Variants in LMBR1 observed in about 807,000 individuals in gnomAD.
LMBR1 encodes limb region 1 protein homolog.
Under a neutral mutation model 73.9 loss-of-function variants are expected in LMBR1, and 52 were observed. That is an observed-to-expected ratio of 0.70 (90% CI 0.56 to 0.89). The LOEUF is 0.89. LMBR1 is among the 40% of genes least tolerant of loss of function. LMBR1 has a pLI of 0.00. For missense variants in LMBR1, 539 were observed against 579.8 expected, an observed-to-expected ratio of 0.93 and a Z score of 0.72; for synonymous variants, 215 against 209.4, an observed-to-expected ratio of 1.03 and a Z score of -0.23.
At chr7:156,689,452 G>C (rs1806698827) in intron 15 of LMBR1, among the ~76,000 whole-genome samples, 1 of 152,146 alleles carries the variant, frequency 6.6e-6, no homozygotes, top group Non-Finnish European at 1.5e-5. Context: ...CCTTTGAGCT[G>C]AACTCTAATC....
intron 1 of LMBR1, among the ~76,000 whole-genome samples, chr7:156,889,415 G>A (rs1228837241): frequency 6.6e-6 from 1 of 152,174 alleles, no homozygotes; most frequent in African/African-American, 2.4e-5. Context: ...ATAGCATTAT[G>A]TAGCAAAATC....
In LMBR1 at chr7:156,734,249, A is replaced by G. The variant is rs1308184273; in HGVS notation, c.766T>C (p.Ser256Pro). Reference sequence around the variant, plus strand: ...TCCATTATGTTGTATTCCACCGATGAAGACAGCCCTGTTCAAAGCAAAAAA... The same window carrying G: ...TCCATTATGTTGTATTCCACCGATGGAGACAGCCCTGTTCAAAGCAAAAAA... Reference protein sequence around the residue: ...ALQRRLNGLSSSVEYNIMELE... With the variant: ...ALQRRLNGLSPSVEYNIMELE... Residue 256 changes from serine to proline, a missense_variant, in exon 10 of 17, where the codon TCA becomes CCA. By Grantham distance (74) the Ser-to-Pro change is moderately conservative (BLOSUM62 -1). Around this residue, in one of 3 missense-constraint regions of LMBR1, gnomAD observed 454 missense variants for 473.4 expected, o/e 0.96. Coordinates refer to ENST00000353442, the MANE Select transcript of LMBR1 (RefSeq NM_022458.4). The G allele has an allele frequency of 6.2e-7, 1 of 1,607,566 alleles. No homozygotes were observed. Among genetic ancestry groups the G allele is most frequent in the Non-Finnish European group, 8.5e-7 (1 of 1,177,670 alleles).
intron 1 of LMBR1, 21 bp from the exon 2 acceptor site, chr7:156,836,906 C>G: frequency 6.8e-7 from 1 of 1,481,172 alleles, no homozygotes; most frequent in Non-Finnish European, 9.2e-7. Context: ...ACGAAGTTAA[C>G]AGATCATTTA....
chr7:156,892,435 G>A (rs1047447185), intron 1 of LMBR1: 3 of 152,226 alleles, frequency 2.0e-5, no homozygotes, highest in Non-Finnish European at 4.4e-5. Flanking sequence ...GGCCCACCCA[G>A]GCTCTCCGGG....
chr7:156,706,049 A>G (rs1181950607), intron 15 of LMBR1, among the ~76,000 whole-genome samples: 4 of 152,142 alleles, frequency 2.6e-5, no homozygotes, highest in Admixed American at 2.0e-4. Context: ...CACCTTACCT[A>G]TGAAGACACA....
chr7:156,793,983 C>T (rs1258000558), intron 5 of LMBR1, among the ~76,000 whole-genome samples: 5 of 152,184 alleles, frequency 3.3e-5, no homozygotes, highest in African/African-American at 9.7e-5. Flanking sequence ...TCTTTCCCTA[C>T]CTTCAAGCTA....
Position 156,678,773 on chromosome 7 carries a change from A to G in LMBR1, c.*5305T>C, listed in dbSNP as rs189974607. ...GTTGGAACCCACTTGTCTGACAGTC[A>G]CCTTGCAAGATGAAGCCACTTCTTG... On this transcript the variant is annotated 3_prime_UTR_variant, in exon 17 of 17. Transcript: ENST00000353442. 2.6e-5 allele frequency: 4 copies of G among 152,162 alleles called. No homozygotes were observed. The highest frequency in any genetic ancestry group is 2.6e-4 in the Admixed American group (4 of 15,282). 9.4% of individuals were successfully genotyped at this position (152,162 alleles called of 1,614,324 possible). A position where few individuals can be genotyped will look rare whatever the true frequency, so the allele number is the denominator to read the frequency against.
In LMBR1 at chr7:156,756,363, T is replaced by G. The variant is rs376140960; in HGVS notation, c.757+30A>C. On this transcript the variant is annotated intron_variant, in intron 9 of 16. Coordinates refer to ENST00000353442, the MANE Select transcript of LMBR1 (RefSeq NM_022458.4). Reference sequence around the variant, plus strand: ...TTTTGAAATTAAAAAGATTTTTTTATCCCCGTCTAAATATGTAATATAAAC... The same window carrying G: ...TTTTGAAATTAAAAAGATTTTTTTAGCCCCGTCTAAATATGTAATATAAAC... 4.9e-6 allele frequency: 5 copies of G among 1,016,326 alleles called. No homozygotes were observed. The African/African-American group carries it at 8.0e-5, about 16-fold the overall frequency. 63.0% of individuals were successfully genotyped at this position (1,016,326 alleles called of 1,614,324 possible).
chr7:156,819,375 C>T (rs1009896911), intron 4 of LMBR1, among the ~76,000 whole-genome samples: 2 of 152,204 alleles, frequency 1.3e-5, no homozygotes, highest in Non-Finnish European at 2.9e-5. Flanking sequence ...CAATCAAAAA[C>T]ATCCATACTG....
chr7:156,729,602 T>C (rs1356590639), intron 10 of LMBR1, among the ~76,000 whole-genome samples: 1 of 151,902 alleles, frequency 6.6e-6, no homozygotes, highest in Non-Finnish European at 1.5e-5. Context: ...GCCTCCCAAG[T>C]AGCTGGGACT....
chr7:156,893,062 AG>A lies in LMBR1; in HGVS notation c.-70del. 7.2e-7 allele frequency: 1 copy of A among 1,390,972 alleles called. No individual in the cohort carries two copies. Among genetic ancestry groups the A allele is most frequent in the Non-Finnish European group, 9.3e-7 (1 of 1,070,752 alleles). The allele number at this position is 1,390,972 out of a possible 1,614,324, so 86.2% of individuals were successfully genotyped here. ...CGCCACACCATCGTCCGCCCGCCGC[AG>A]GGGCTCGGACAGCCGCGCCGGGGAC... is the stretch of plus-strand genomic sequence containing the variant. On this transcript the variant is annotated 5_prime_UTR_variant, in exon 1 of 17. Transcript: ENST00000353442.
At chr7:156,696,782 C>T (rs571247867) in intron 15 of LMBR1, among the ~76,000 whole-genome samples, 1 of 152,276 alleles carries the variant, frequency 6.6e-6, no homozygotes, top group South Asian at 2.1e-4. Context: ...TATTATTCTG[C>T]CCCTGGCCCC....
At chr7:156,724,833 G>A (rs1485329496) in intron 14 of LMBR1, among the ~76,000 whole-genome samples, 1 of 146,220 alleles carries the variant, frequency 6.8e-6, no homozygotes, top group African/African-American at 2.5e-5. Flanking sequence ...CTTTAAGTAG[G>A]CTAAAAATAT....
At chr7:156,741,230 G>C (rs1818832085) in intron 9 of LMBR1, among the ~76,000 whole-genome samples, 1 of 152,084 alleles carries the variant, frequency 6.6e-6, no homozygotes, top group South Asian at 2.1e-4. Flanking sequence ...AGGAAGACAG[G>C]AAGGAAAGAA....
intron 1 of LMBR1, among the ~76,000 whole-genome samples, chr7:156,873,474 T>A (rs1047983170): frequency 2.0e-5 from 3 of 152,168 alleles, no homozygotes; most frequent in Non-Finnish European, 4.4e-5. Flanking sequence ...CCGAGCGGGT[T>A]GCCAATGCTG....
At chr7:156,728,069 T>C (rs912379026) in intron 11 of LMBR1, 62 bp from the exon 12 acceptor site, 2 of 1,307,246 alleles carry the variant, frequency 1.5e-6, no homozygotes, top group Non-Finnish European at 2.2e-6. Context: ...AATATTAAAA[T>C]CTAGGTAACC....
rs187256493 is a variant in LMBR1 at position 156,796,389 on chromosome 7, C to G, written c.423G>C (p.Lys141Asn). 1.3e-6 allele frequency: 2 copies of G among 1,589,996 alleles called. No homozygotes were observed. Among genetic ancestry groups the G allele is most frequent in the East Asian group, 2.3e-5 (1 of 43,910 alleles). The change falls in exon 5 of 17, where the codon AAG becomes AAC. Residue 141 changes from lysine (K) to asparagine (N), a missense_variant and splice_region_variant. By Grantham distance (94) the Lys-to-Asn change is moderately conservative. This residue lies in a region of LMBR1 where 454 missense variants were observed against 473.4 expected (regional missense o/e 0.96). Coordinates refer to ENST00000353442, the MANE Select transcript of LMBR1 (RefSeq NM_022458.4). ...TAATTCCAATACTAGATTCACTTAC[C>G]TTTTTCAGGCCAGCAAAGCCTTCTG... ...LESEGFAGLK[K>N]GIRARILETL...
chr7:156,837,460 A>G (rs950390361), intron 1 of LMBR1, among the ~76,000 whole-genome samples: 1 of 151,768 alleles, frequency 6.6e-6, no homozygotes, highest in East Asian at 1.9e-4. Context: ...ACTTGATCCA[A>G]TGTTTTTCAA....
At chr7:156,698,529 C>T (rs1341263603) in intron 15 of LMBR1, among the ~76,000 whole-genome samples, 2 of 152,184 alleles carry the variant, frequency 1.3e-5, no homozygotes, top group South Asian at 2.1e-4. Context: ...TCCCAAACCT[C>T]AATTCTTGAC....
Sources: gnomAD v4.1 joint callset for allele counts (sites outside exome capture counted in the v4.1 genomes callset) on GRCh38, gnomAD v4.1.1 for gene constraint, gnomAD v4.1.1 regional missense constraint, MANE v1.5 for transcripts, NCBI Gene and HGNC (gene_info 2026-07-23, HGNC 2026-07-21) for gene names.